NID2: variants seen among roughly 807,000 people sequenced by gnomAD.
NID2 encodes the protein nidogen 2, also known as nidogen-2.
Under a neutral mutation model 145.4 loss-of-function variants are expected in NID2, and 83 were observed. The ratio of observed to expected loss-of-function variants is 0.57; its 90% confidence interval spans 0.48 to 0.69. The LOEUF (loss-of-function observed/expected upper bound fraction) is 0.69. Among genes scored for constraint, NID2 ranks in the 30% least tolerant of loss-of-function variants. NID2 has a pLI of 0.00. For missense variants in NID2, 1,807 were observed against 1,765.7 expected (o/e 1.02, Z -0.42); for synonymous variants, 739 against 701.3 (o/e 1.05, Z -0.85).
At chr14:52,012,648 T>C (rs906697017) in intron 16 of NID2, among the ~76,000 whole-genome samples, 2 of 152,202 alleles carry the variant, frequency 1.3e-5, no homozygotes, top group African/African-American at 4.8e-5. Context: ...TAGGGAGTAG[T>C]GGTTATCCAA....
At chr14:52,018,568 A>G (rs1891294661) in intron 14 of NID2, among the ~76,000 whole-genome samples, 1 of 152,222 alleles carries the variant, frequency 6.6e-6, no homozygotes, top group Non-Finnish European at 1.5e-5. Context: ...GTTTAGAGAA[A>G]ACTAACTGGC....
chr14:52,022,270 T>A (rs1891428647), intron 12 of NID2, among the ~76,000 whole-genome samples: 1 of 152,116 alleles, frequency 6.6e-6, no homozygotes, highest in Non-Finnish European at 1.5e-5. Context: ...AAGTTCTGGG[T>A]AGACAGAAAC....
intron 10 of NID2, 31 bp from the exon 11 acceptor site, chr14:52,028,881 C>T (rs752770496): frequency 1.4e-5 from 22 of 1,611,206 alleles, no homozygotes; most frequent in Non-Finnish European, 1.9e-5. Flanking sequence ...AAAAATTCTG[C>T]TTAATTCAAG....
intron 3 of NID2, among the ~76,000 whole-genome samples, chr14:52,055,608 A>G (rs1892819609): frequency 6.6e-6 from 1 of 152,190 alleles, no homozygotes; most frequent in African/African-American, 2.4e-5. Flanking sequence ...AGTCAATGGT[A>G]TACCCTAAAG....
chr14:52,011,121 G>T, intron 17 of NID2, 74 bp from the exon 18 acceptor site: 2 of 1,453,048 alleles, frequency 1.4e-6, no homozygotes, highest in Non-Finnish European at 1.9e-6. Flanking sequence ...TCCAACGGTC[G>T]GGTGGGCAGG....
At position 52,036,652 on chromosome 14, in the gene NID2, G is replaced by A. The variant is rs781648567; in HGVS notation, c.2257+2095C>T. Among the ~76,000 whole-genome samples, 6 of 152,196 alleles carry A rather than the reference G, an allele frequency of 3.9e-5. No homozygotes were observed. In the East Asian group the frequency reaches 5.8e-4, roughly 15 times the overall value. ...CGTATGAGGGTTCCGAATTTTCCAT[G>A]TTCTCGCCAACACTTGTTATTACCC... On this transcript the variant is annotated intron_variant, in intron 9 of 21. Coordinates refer to ENST00000216286, the MANE Select transcript of NID2 (RefSeq NM_007361.4).
At position 52,060,259 on chromosome 14, in the gene NID2, G is replaced by A. The variant is rs1457813226; in HGVS notation, c.632C>T (p.Pro211Leu). 9.9e-6 allele frequency: 16 copies of A among 1,613,750 alleles called. No homozygotes were observed. The highest frequency in any genetic ancestry group is 1.3e-5 in the Non-Finnish European group (15 of 1,179,950). Residue 211 changes from proline (P) to leucine (L), a missense_variant, in exon 3 of 22, where the codon CCC (proline) becomes CTC (leucine). Pro to Leu is a moderately conservative substitution (Grantham distance 98, BLOSUM62 -3). Transcript: ENST00000216286. ...ANGLQFLGTRPKESYNVQLQL... is the reference protein window; with the variant it reads ...ANGLQFLGTRLKESYNVQLQL... The stretch of plus-strand genomic sequence containing the variant: ...AAGCTGGACATTGTAAGACTCTTTG[G>A]GGCGGGTTCCAAGGAACTGCAGGCC...
chr14:52,026,140 C>G (rs1011596819), intron 12 of NID2, among the ~76,000 whole-genome samples: 1 of 152,176 alleles, frequency 6.6e-6, no homozygotes, highest in Non-Finnish European at 1.5e-5. Flanking sequence ...ATGGCCTCAG[C>G]CTGCTGTCCA....
At chr14:52,032,799 T>TAAAAA (rs781499914) in intron 9 of NID2, among the ~76,000 whole-genome samples, 984 of 17,398 alleles carry the variant, frequency 0.057, 11 homozygotes, top group African/African-American at 0.11. Context: ...TGCTAGGCAT[T>TAAAAA]AAAAGAAAAA....
Position 52,060,349 on chromosome 14 carries a change from G to C in NID2, c.542C>G (p.Thr181Ser), listed in dbSNP as rs756757255. Reference protein sequence around the residue: ...RGALPSGELNTFQAVLASDGS... With the variant: ...RGALPSGELNSFQAVLASDGS... Reference sequence around the variant, plus strand: ...ATCAGATGCCAAAACTGCCTGGAAAGTGTTCAGCTGTGAGGAAAAAAAAAA... The same window carrying C: ...ATCAGATGCCAAAACTGCCTGGAAACTGTTCAGCTGTGAGGAAAAAAAAAA... The change falls in exon 3 of 22, where the codon ACT becomes AGT. Residue 181 changes from threonine to serine, a missense_variant. Transcript: ENST00000216286. 2.2e-6 allele frequency: 3 copies of C among 1,365,154 alleles called. No individual in the cohort carries two copies. The highest frequency in any genetic ancestry group is 3.0e-6 in the Non-Finnish European group (3 of 1,014,908). The allele number at this position is 1,365,154 out of a possible 1,614,324, so 84.6% of individuals were successfully genotyped here.
intron 9 of NID2, among the ~76,000 whole-genome samples, chr14:52,030,534 AAG>A (rs1256779473): frequency 1.8e-5 from 1 of 54,958 alleles, no homozygotes; most frequent in South Asian, 7.1e-4. Context: ...GAAAGAAAGA[AAG>A]AAAGAAAGAA....
At chr14:52,066,253 C>T (rs1489274229) in intron 2 of NID2, among the ~76,000 whole-genome samples, 1 of 147,784 alleles carries the variant, frequency 6.8e-6, no homozygotes, top group Non-Finnish European at 1.5e-5. Context: ...TAGAGAGTAA[C>T]AGGATGGTTA....
At chr14:52,035,372 T>C (rs1271298914) in intron 9 of NID2, among the ~76,000 whole-genome samples, 1 of 152,244 alleles carries the variant, frequency 6.6e-6, no homozygotes, top group Non-Finnish European at 1.5e-5. Flanking sequence ...ATTCTGTATG[T>C]AGCCTTTTCA....
Position 52,010,923 on chromosome 14 carries a change from G to A in NID2, c.3675C>T (p.Tyr1225=), listed in dbSNP as rs1344934350. The change falls in exon 18 of 22, where the codon TAC becomes TAT. Residue 1225 remains tyrosine (Y), a synonymous_variant. Transcript: ENST00000216286. ...TGGCACGGGGATTCACCAGATCTGT[G>A]TAGAAGAGGACCTTGCGCTCAGAGC... ...LDGSERKVLF[Y]TDLVNPRAIA... is the part of the protein sequence containing the mutation. The A allele has an allele frequency of 1.9e-6, 3 of 1,613,958 alleles. No individual in the cohort carries two copies. The highest frequency in any genetic ancestry group is 1.7e-6 in the Non-Finnish European group (2 of 1,180,054).
In NID2 at chr14:52,020,480, G is replaced by T. The variant is rs1002354805; in HGVS notation, c.2675-302C>A. Among the ~76,000 whole-genome samples, 3 of 152,210 alleles carry T rather than the reference G, an allele frequency of 2.0e-5. No homozygotes were observed. In the South Asian group the frequency reaches 6.2e-4, roughly 32 times the overall value. On this transcript the variant is annotated intron_variant, in intron 12 of 21. Coordinates refer to ENST00000216286, the MANE Select transcript of NID2 (RefSeq NM_007361.4). The stretch of plus-strand genomic sequence containing the variant: ...TCTTACAGCATGTTTCATTGACAGT[G>T]AATTCAAGGAAGTTATTACCTTTGA...
chr14:52,034,173 C>A (rs1398930016), intron 9 of NID2, among the ~76,000 whole-genome samples: 4 of 152,112 alleles, frequency 2.6e-5, no homozygotes, highest in Admixed American at 2.0e-4. Flanking sequence ...AGAAAACAAG[C>A]AACTTGGTAC....
chr14:52,025,600 C>A (rs1891562122), intron 12 of NID2, among the ~76,000 whole-genome samples: 2 of 152,220 alleles, frequency 1.3e-5, no homozygotes, highest in Admixed American at 6.5e-5. Flanking sequence ...GGGTTGAAAT[C>A]TGGTGATGGC....
chr14:52,065,119 A>T (rs1468063347), intron 2 of NID2, among the ~76,000 whole-genome samples: 1 of 152,198 alleles, frequency 6.6e-6, no homozygotes, highest in Non-Finnish European at 1.5e-5. Context: ...TTACACCTTG[A>T]CATTCCTGCA....
chr14:52,034,761 G>T (rs999996614), intron 9 of NID2, among the ~76,000 whole-genome samples: 2 of 152,108 alleles, frequency 1.3e-5, no homozygotes, highest in African/African-American at 4.8e-5. Flanking sequence ...GCTAACTCTG[G>T]GCTCAACAGT....
Sources: gnomAD v4.1 joint callset for allele counts (sites outside exome capture counted in the v4.1 genomes callset) on GRCh38, gnomAD v4.1.1 for gene constraint, MANE v1.5 for transcripts, NCBI Gene and HGNC (gene_info 2026-07-23, HGNC 2026-07-21) for gene names.